RASGRF2: variants seen among roughly 807,000 people sequenced by gnomAD.
RASGRF2 encodes Ras protein specific guanine nucleotide releasing factor 2, also known as ras-specific guanine nucleotide-releasing factor 2.
Under a neutral mutation model 151.0 loss-of-function variants are expected in RASGRF2, and 76 were observed. The observed-to-expected ratio is 0.50, with a 90% CI of 0.42 to 0.61. The LOEUF (loss-of-function observed/expected upper bound fraction) is 0.61. RASGRF2 is among the 20% of genes least tolerant of loss of function. The pLI is 0.00. For missense variants in RASGRF2, 1,148 were observed against 1,564.6 expected (o/e 0.73, Z 4.49); for synonymous variants, 504 against 566.5 (o/e 0.89, Z 1.57).
At chr5:80,992,868 A>G (rs1017570988) in intron 1 of RASGRF2, among the ~76,000 whole-genome samples, 2 of 152,220 alleles carry the variant, frequency 1.3e-5, no homozygotes, top group African/African-American at 2.4e-5. Context: ...AGAAGATGCT[A>G]TTTACTTGTT....
rs1365826685 is a variant in RASGRF2, at chr5:81,205,673, T to C, written c.2907-1172T>C. On this transcript the variant is annotated intron_variant, in intron 19 of 26. Coordinates refer to ENST00000265080, the MANE Select transcript of RASGRF2 (RefSeq NM_006909.3). Reference sequence around the variant, plus strand: ...AGTTTCTCTTCATATCGCATAAATCTTTCGCCTTTTACTAAAAGTAGCTTC... The same window carrying C: ...AGTTTCTCTTCATATCGCATAAATCCTTCGCCTTTTACTAAAAGTAGCTTC... Among the ~76,000 whole-genome samples the C allele has an allele frequency of 3.9e-5, 6 of 152,254 alleles. No individual in the cohort carries two copies. The East Asian group carries it at 1.2e-3, about 29-fold the overall frequency.
chr5:80,969,604 A>T (rs1226479673), intron 1 of RASGRF2, among the ~76,000 whole-genome samples: 9 of 147,956 alleles, frequency 6.1e-5, no homozygotes, highest in East Asian at 4.0e-4. Context: ...ACCCGCCACC[A>T]CGCCCGGCTA....
chr5:81,094,030 C>A (rs1001762422), intron 10 of RASGRF2, among the ~76,000 whole-genome samples: 1 of 152,088 alleles, frequency 6.6e-6, no homozygotes, highest in African/African-American at 2.4e-5. Context: ...CACTGTGGTA[C>A]CATCTAAGTC....
chr5:81,113,446 C>T (rs1753057980), intron 14 of RASGRF2, 92 bp from the exon 15 acceptor site: 1 of 1,387,230 alleles, frequency 7.2e-7, no homozygotes, highest in Non-Finnish European at 9.9e-7. Context: ...GAGATTGTGA[C>T]CTATAAATGA....
intron 1 of RASGRF2, among the ~76,000 whole-genome samples, chr5:81,017,621 G>T (rs1192370863): frequency 1.3e-5 from 2 of 152,170 alleles, no homozygotes; most frequent in African/African-American, 4.8e-5. Flanking sequence ...AACGTACTGT[G>T]TAACCATGAT....
chr5:81,001,216 A>G (rs1749069712), intron 1 of RASGRF2, among the ~76,000 whole-genome samples: 1 of 152,180 alleles, frequency 6.6e-6, no homozygotes, highest in African/African-American at 2.4e-5. Flanking sequence ...AGTCTTTTTT[A>G]TTAGATTTAC....
At chr5:81,152,038 G>A (rs886791899) in intron 17 of RASGRF2, among the ~76,000 whole-genome samples, 2 of 152,072 alleles carry the variant, frequency 1.3e-5, no homozygotes, top group Admixed American at 1.3e-4. Context: ...GTCTCACTCT[G>A]TCACCCAGGC....
At chr5:81,060,354 A>G (rs971576208) in intron 2 of RASGRF2, among the ~76,000 whole-genome samples, 99 of 152,292 alleles carry the variant, frequency 6.5e-4, no homozygotes, top group African/African-American at 2.3e-3. Flanking sequence ...ATGCTGTTCC[A>G]TCAGCTAGCC....
intron 1 of RASGRF2, among the ~76,000 whole-genome samples, chr5:80,982,741 C>A (rs1748347912): frequency 6.6e-6 from 1 of 151,830 alleles, no homozygotes; most frequent in Admixed American, 6.6e-5. Context: ...GCTGGGACTA[C>A]AAGTGCCTGC....
Position 81,201,391 on chromosome 5 carries a change from G to A in RASGRF2, c.2855G>A (p.Arg952Gln), listed in dbSNP as rs376863152. ...CTAAATTTGCTAGAAGAAGTTTTGC[G>A]AGACCCAGACCTTCTTCCCCAAGAA... is the stretch of plus-strand genomic sequence containing the variant. Reference protein sequence around the residue: ...NVLNLLEEVLRDPDLLPQERK... With the variant: ...NVLNLLEEVLQDPDLLPQERK... Residue 952 changes from arginine to glutamine, a missense_variant, in exon 19 of 27, where the codon CGA becomes CAA. By Grantham distance (43) the Arg-to-Gln change is conservative. Around this residue, in one of 5 missense-constraint regions of RASGRF2, gnomAD observed 646 missense variants for 807.4 expected, o/e 0.80. Coordinates refer to ENST00000265080, the MANE Select transcript of RASGRF2 (RefSeq NM_006909.3). The A allele has an allele frequency of 1.9e-5, 31 of 1,613,836 alleles. No individual in the cohort carries two copies. The highest frequency in any genetic ancestry group is 2.5e-5 in the Non-Finnish European group (29 of 1,179,964).
chr5:81,172,594 C>T (rs1056659836), intron 17 of RASGRF2, among the ~76,000 whole-genome samples: 2 of 152,108 alleles, frequency 1.3e-5, no homozygotes, highest in African/African-American at 4.8e-5. Flanking sequence ...CAAGCAAATC[C>T]ACTCTGAGGC....
chr5:80,990,097 C>T (rs547852759), intron 1 of RASGRF2, among the ~76,000 whole-genome samples: 11 of 152,206 alleles, frequency 7.2e-5, no homozygotes, highest in South Asian at 6.2e-4. Context: ...TGGGGACAAG[C>T]GGGAGCTGTG....
At chr5:80,990,178 C>T (rs951516050) in intron 1 of RASGRF2, among the ~76,000 whole-genome samples, 9 of 151,254 alleles carry the variant, frequency 6.0e-5, no homozygotes, top group Admixed American at 1.3e-4. Context: ...AGTGCTCTGT[C>T]GCCTAAAGGA....
intron 18 of RASGRF2, among the ~76,000 whole-genome samples, chr5:81,200,179 G>T (rs1332226718): frequency 6.6e-6 from 1 of 151,560 alleles, no homozygotes; most frequent in African/African-American, 2.4e-5. Context: ...GCTGAGGTGG[G>T]GGACCCCCTT....
rs565769297 is a variant in RASGRF2 at position 81,140,477 on chromosome 5, T to G, written c.2686+13314T>G. ...ACACGCACACTCACTCACATTTTGC[T>G]TGGAATTAGAATTGTGGAACTGCAA... On this transcript the variant is annotated intron_variant, in intron 17 of 26. Transcript: ENST00000265080. 2.0e-5 allele frequency among the ~76,000 whole-genome samples: 3 copies of G among 152,096 alleles called. No individual in the cohort carries two copies. The South Asian group carries it at 6.2e-4, about 32-fold the overall frequency.
At chr5:81,044,415 C>G (rs767893367) in intron 2 of RASGRF2, among the ~76,000 whole-genome samples, 2 of 151,854 alleles carry the variant, frequency 1.3e-5, no homozygotes, top group Non-Finnish European at 2.9e-5. Flanking sequence ...AAGACTCCAT[C>G]TAAAAAAAAA....
intron 1 of RASGRF2, among the ~76,000 whole-genome samples, chr5:81,042,140 A>G (rs1238129392): frequency 6.6e-6 from 1 of 152,174 alleles, no homozygotes; most frequent in Non-Finnish European, 1.5e-5. Flanking sequence ...TAAGGCTTAT[A>G]TGAGAGAAAT....
chr5:81,127,253 C>A, intron 17 of RASGRF2, 90 bp downstream of exon 17: 2 of 1,292,128 alleles, frequency 1.5e-6, no homozygotes, highest in Admixed American at 2.1e-5. Context: ...AGACACTCGG[C>A]AGCTCTCACA....
At chr5:80,984,490 C>T (rs997779850) in intron 1 of RASGRF2, among the ~76,000 whole-genome samples, 2 of 152,116 alleles carry the variant, frequency 1.3e-5, no homozygotes, top group South Asian at 4.1e-4. Flanking sequence ...TTATACTTTC[C>T]TTTGTGTTTT....
Sources: allele counts gnomAD v4.1 joint callset (sites outside exome capture counted in the v4.1 genomes callset), GRCh38; gene constraint gnomAD v4.1.1; regional missense constraint gnomAD v4.1.1; transcripts MANE v1.5; gene names NCBI Gene and HGNC (gene_info 2026-07-23, HGNC 2026-07-21).